The following CEP83 variants were observed in gnomAD, a reference collection of about 807,000 sequenced individuals.
CEP83 encodes centrosomal protein 83.
CEP83 carries 70 observed loss-of-function variants against 101.9 expected under a neutral mutation model. The ratio of observed to expected loss-of-function variants is 0.69; its 90% CI spans 0.57 to 0.84. The LOEUF is 0.84. Ranked by LOEUF, CEP83 falls within the 40% of genes least tolerant of loss-of-function variation. The pLI is 0.00. For missense variants in CEP83, 715 were observed against 787.2 expected (o/e 0.91, Z 1.10); for synonymous variants, 264 against 267.9 (o/e 0.99, Z 0.14).
intron 2 of CEP83, among the ~76,000 whole-genome samples, chr12:94,417,773 G>C (rs2064393286): frequency 6.6e-6 from 1 of 151,710 alleles, no homozygotes; most frequent in African/African-American, 2.4e-5. Context: ...GGGCAACAGA[G>C]GAAGACTCCA....
At chr12:94,336,567 T>G (rs1565934173) in intron 11 of CEP83, among the ~76,000 whole-genome samples, 2 of 152,198 alleles carry the variant, frequency 1.3e-5, no homozygotes, top group African/African-American at 4.8e-5. Flanking sequence ...CCAACCCAAA[T>G]CATGGATTAG....
intron 2 of CEP83, among the ~76,000 whole-genome samples, chr12:94,426,583 A>G (rs1337665207): frequency 6.6e-6 from 1 of 152,226 alleles, no homozygotes; most frequent in Non-Finnish European, 1.5e-5. Context: ...ATTCAGAAAC[A>G]GTCTTCCAAA....
the CEP83 span, among the ~76,000 whole-genome samples, chr12:94,287,201 G>A: frequency 1.3e-5 from 2 of 152,210 alleles, no homozygotes; most frequent in Admixed American, 1.3e-4. Context: ...TGCAGACAAA[G>A]GGTTAAGCGT....
At chr12:94,352,950 G>A (rs993393964) in intron 11 of CEP83, among the ~76,000 whole-genome samples, 3 of 152,122 alleles carry the variant, frequency 2.0e-5, no homozygotes, top group Non-Finnish European at 4.4e-5. Flanking sequence ...TAACTGTAGA[G>A]TTCCCAAGTC....
At chr12:94,364,848 C>T (rs148997836) in intron 11 of CEP83, among the ~76,000 whole-genome samples, 2 of 152,066 alleles carry the variant, frequency 1.3e-5, no homozygotes, top group Non-Finnish European at 2.9e-5. Context: ...CAAATCCATA[C>T]CTCACAGCAT....
At chr12:94,423,753 G>A in intron 2 of CEP83, 1 of 1,613,142 alleles carries the variant, frequency 6.2e-7, no homozygotes, top group Non-Finnish European at 8.5e-7. Flanking sequence ...GTTACTTGTT[G>A]AACTGGAAAG....
intron 6 of CEP83, among the ~76,000 whole-genome samples, chr12:94,384,838 T>C (rs956005223): frequency 5.9e-5 from 9 of 152,236 alleles, no homozygotes; most frequent in African/African-American, 2.2e-4. Context: ...ATTCTTACCA[T>C]GGCTGCTTTG....
intron 14 of CEP83, chr12:94,313,267 T>C (rs1403665273): frequency 8.1e-6 from 2 of 246,532 alleles, no homozygotes; most frequent in Non-Finnish European, 1.5e-5. Flanking sequence ...CAATAATTGC[T>C]GCAAAAAAAA....
intron 6 of CEP83, among the ~76,000 whole-genome samples, chr12:94,383,747 T>C (rs960791918): frequency 2.0e-5 from 3 of 152,158 alleles, no homozygotes; most frequent in South Asian, 4.1e-4. Flanking sequence ...ATTTTATCTA[T>C]AATGTTTTAA....
In CEP83 at chr12:94,331,865, A is replaced by G. The variant is rs368606882; in HGVS notation, c.1578-36T>C. On this transcript the variant is annotated intron_variant, in intron 13 of 16. Transcript: ENST00000397809. ...AATGTATGTAAAACATGGAAGTTAA[A>G]TAAGTTCTTAGGATTAAATAGATAT... 9 of 1,588,056 alleles carry G rather than the reference A, an allele frequency of 5.7e-6. No homozygotes were observed. In the Admixed American group the frequency reaches 1.0e-4, roughly 18 times the overall value.
chr12:94,390,812 G>A (rs1308054191), intron 6 of CEP83, among the ~76,000 whole-genome samples: 1 of 152,174 alleles, frequency 6.6e-6, no homozygotes, highest in African/African-American at 2.4e-5. Context: ...ACCATGGCAC[G>A]AGAACTTCGT....
At chr12:94,398,575 AT>A (rs1304556267) in intron 6 of CEP83, among the ~76,000 whole-genome samples, 1 of 152,158 alleles carries the variant, frequency 6.6e-6, no homozygotes, top group African/African-American at 2.4e-5. Context: ...TACAAATTTG[AT>A]TGTAAAACGT....
chr12:94,320,242 T>C (rs539676331), intron 14 of CEP83, among the ~76,000 whole-genome samples: 98 of 152,330 alleles, frequency 6.4e-4, no homozygotes, highest in African/African-American at 2.2e-3. Flanking sequence ...TGTCATTGCA[T>C]ATAAGATGGG....
chr12:94,309,584 T>C (rs556520951), intron 16 of CEP83, among the ~76,000 whole-genome samples: 1 of 152,310 alleles, frequency 6.6e-6, no homozygotes, highest in East Asian at 1.9e-4. Context: ...ACTGCGTTAG[T>C]AAATTCTCAG....
intron 2 of CEP83, among the ~76,000 whole-genome samples, chr12:94,415,055 T>C (rs2064167200): frequency 6.6e-6 from 1 of 152,112 alleles, no homozygotes; most frequent in South Asian, 2.1e-4. Flanking sequence ...TGTGTTTTTA[T>C]TTAAAAAGTA....
intron 6 of CEP83, among the ~76,000 whole-genome samples, chr12:94,379,357 C>A (rs2061711501): frequency 1.3e-5 from 2 of 152,102 alleles, no homozygotes; most frequent in Non-Finnish European, 2.9e-5. Context: ...TAAAATTCAT[C>A]ATAACATTAT....
At chr12:94,448,560 A>G (rs531632760) in intron 1 of CEP83, among the ~76,000 whole-genome samples, 2 of 152,316 alleles carry the variant, frequency 1.3e-5, no homozygotes, top group African/African-American at 4.8e-5. Context: ...ATAAAATTTA[A>G]AAGATTGAAC....
At chr12:94,447,990 T>G (rs568594414) in intron 1 of CEP83, among the ~76,000 whole-genome samples, 1 of 152,270 alleles carries the variant, frequency 6.6e-6, no homozygotes, top group East Asian at 1.9e-4. Context: ...TACATGTGAA[T>G]GAACTAAACA....
intron 4 of CEP83, among the ~76,000 whole-genome samples, chr12:94,404,027 A>G (rs73370360): frequency 0.031 from 4,701 of 152,314 alleles, 226 homozygotes; most frequent in African/African-American, 0.1. Context: ...TATATAAAGC[A>G]TTGTACAATG....
Sources: allele counts gnomAD v4.1 joint callset (sites outside exome capture counted in the v4.1 genomes callset), GRCh38; gene constraint gnomAD v4.1.1; transcripts MANE v1.5; gene names NCBI Gene and HGNC (gene_info 2026-07-23, HGNC 2026-07-21).